VSNL1: variants seen among roughly 807,000 people sequenced by gnomAD.
The protein encoded by VSNL1 is visinin like 1, also known as visinin-like protein 1.
VSNL1 carries 6 observed loss-of-function variants against 20.4 expected under a neutral mutation model. That is an observed-to-expected ratio of 0.29 (90% confidence interval 0.16 to 0.58). The LOEUF (loss-of-function observed/expected upper bound fraction) is 0.58, where lower values mean the gene tolerates loss of function less well. Among genes scored for constraint, VSNL1 ranks in the 20% least tolerant of loss-of-function variants. VSNL1 has a pLI of 0.90. For synonymous variants in VSNL1, 93 were observed against 86.4 expected, an observed-to-expected ratio of 1.08 and a Z score of -0.42; for missense variants, 100 against 234.5, an observed-to-expected ratio of 0.43 and a Z score of 3.75.
At chr2:17,639,196 G>A (rs1271603530) in intron 2 of VSNL1, among the ~76,000 whole-genome samples, 3 of 152,116 alleles carry the variant, frequency 2.0e-5, no homozygotes, top group Non-Finnish European at 2.9e-5. Flanking sequence ...GCATTGCTTC[G>A]ATGGAAATAT....
chr2:17,608,879 G>A (rs1330035553), intron 2 of VSNL1, among the ~76,000 whole-genome samples: 1 of 152,132 alleles, frequency 6.6e-6, no homozygotes, highest in Non-Finnish European at 1.5e-5. Context: ...AGGGATGAAT[G>A]ACTCCCTTAA....
At chr2:17,551,371 T>G (rs1220708001) in intron 1 of VSNL1, among the ~76,000 whole-genome samples, 2 of 152,194 alleles carry the variant, frequency 1.3e-5, no homozygotes, top group African/African-American at 4.8e-5. Context: ...TAAATTAGAC[T>G]AAACTTTTTA....
At chr2:17,571,582 T>C (rs961973214) in intron 1 of VSNL1, among the ~76,000 whole-genome samples, 2 of 152,180 alleles carry the variant, frequency 1.3e-5, no homozygotes, top group African/African-American at 2.4e-5. Flanking sequence ...AAGATATTCA[T>C]AGAACAAATA....
intron 1 of VSNL1, among the ~76,000 whole-genome samples, chr2:17,549,780 A>T (rs1663485083): frequency 6.6e-6 from 1 of 152,196 alleles, no homozygotes. Context: ...TTTAGCTTTG[A>T]TTAATTGTAT....
rs796904686 is a variant in VSNL1, at chr2:17,622,253, C to T, written c.163-27157C>T. The stretch of plus-strand genomic sequence containing the variant: ...ATCAGGCTGGGCATGGTGCCTCACG[C>T]GTGTAATCCCAGCACTTTGGGAGCC... On this transcript the variant is annotated intron_variant, in intron 2 of 3. Transcript: ENST00000295156. Among the ~76,000 whole-genome samples the T allele has an allele frequency of 8.9e-4, 135 of 151,186 alleles. 1 individual carries two copies. Among genetic ancestry groups the T allele is most frequent in the Middle Eastern group, 3.4e-3 (1 of 290 alleles).
intron 1 of VSNL1, among the ~76,000 whole-genome samples, chr2:17,579,176 T>C (rs1664290869): frequency 6.6e-6 from 1 of 151,898 alleles, no homozygotes; most frequent in Non-Finnish European, 1.5e-5. Context: ...AGTGCAGTGG[T>C]GCAATCTTGG....
At chr2:17,571,941 C>T (rs1664093983) in intron 1 of VSNL1, among the ~76,000 whole-genome samples, 1 of 152,204 alleles carries the variant, frequency 6.6e-6, no homozygotes, top group Middle Eastern at 3.4e-3. Context: ...GAAAAGTTCA[C>T]ATAAAGGCTG....
At chr2:17,546,292 A>C (rs1428290385) in intron 1 of VSNL1, among the ~76,000 whole-genome samples, 1 of 152,034 alleles carries the variant, frequency 6.6e-6, no homozygotes, top group Non-Finnish European at 1.5e-5. Context: ...TACTTTTCTG[A>C]AAATAGAAAT....
intron 2 of VSNL1, among the ~76,000 whole-genome samples, chr2:17,642,278 A>ATGATTCTG (rs1351944796): frequency 1.4e-5 from 2 of 145,630 alleles, no homozygotes; most frequent in Non-Finnish European, 3.0e-5. Flanking sequence ...TAACATAGAG[A>ATGATTCTG]TGATTCTGGC....
chr2:17,593,306 A>G (rs1664636795), intron 2 of VSNL1, among the ~76,000 whole-genome samples: 1 of 152,230 alleles, frequency 6.6e-6, no homozygotes, highest in African/African-American at 2.4e-5. Flanking sequence ...AAAGTGGAAA[A>G]TAAACAGTGG....
chr2:17,609,832 A>T (rs1372956779), intron 2 of VSNL1, among the ~76,000 whole-genome samples: 1 of 152,152 alleles, frequency 6.6e-6, no homozygotes, highest in Non-Finnish European at 1.5e-5. Flanking sequence ...CATTTTGAAA[A>T]CAAGAGAAAC....
chr2:17,641,697 G>C (rs1307045933), intron 2 of VSNL1, among the ~76,000 whole-genome samples: 1 of 152,214 alleles, frequency 6.6e-6, no homozygotes, highest in Admixed American at 6.5e-5. Context: ...TAGAAATAGG[G>C]ATAGAGAGAC....
chr2:17,565,799 C>T (rs1276893670), intron 1 of VSNL1, among the ~76,000 whole-genome samples: 1 of 152,132 alleles, frequency 6.6e-6, no homozygotes. Context: ...AATTGTAGTT[C>T]CCATAATTCC....
At chr2:17,621,670 C>G (rs1665363185) in intron 2 of VSNL1, among the ~76,000 whole-genome samples, 1 of 152,126 alleles carries the variant, frequency 6.6e-6, no homozygotes, top group African/African-American at 2.4e-5. Flanking sequence ...TTTTGTCACC[C>G]AGGCTGGAGT....
chr2:17,584,370 G>A (rs1949512), intron 1 of VSNL1, among the ~76,000 whole-genome samples: 3,691 of 152,184 alleles, frequency 0.024, 161 homozygotes, highest in African/African-American at 0.085. Flanking sequence ...AATGTTCTTT[G>A]TGCCTTGGAA....
rs189283250 is a variant in VSNL1, at chr2:17,625,888, C to T, written c.163-23522C>T. 6.6e-4 allele frequency among the ~76,000 whole-genome samples: 99 copies of T among 149,374 alleles called. 1 individual carries two copies. The highest frequency in any genetic ancestry group is 4.5e-3 in the South Asian group (21 of 4,646). On this transcript the variant is annotated intron_variant, in intron 2 of 3. Transcript: ENST00000295156. ...TGAGATCTCAGCGCACTACAACCTC[C>T]GCCTTCCCGGTTCAAGTGATTCTCC...
chr2:17,649,746 C>G lies in VSNL1; in HGVS notation c.378+121C>G. 2 of 913,824 alleles carry G rather than the reference C, an allele frequency of 2.2e-6. No individual in the cohort carries two copies. The highest frequency in any genetic ancestry group is 1.6e-5 in the South Asian group (1 of 61,202). The allele number at this position is 913,824 out of a possible 1,614,324, so 56.6% of individuals were successfully genotyped here. A position where few individuals can be genotyped will look rare whatever the true frequency, so the allele number is the denominator to read the frequency against. On this transcript the variant is annotated intron_variant, in intron 3 of 3. Coordinates refer to ENST00000295156, the MANE Select transcript of VSNL1 (RefSeq NM_003385.5). The surrounding 1 kb of genome is among the most constrained non-coding windows in gnomAD (Gnocchi z 6.4). Reference sequence around the variant, plus strand: ...CTCGAGCCCTGCCAGCTGCACACCACGCCTGGACTTCTCCTGCTTCTGTCC... The same window carrying G: ...CTCGAGCCCTGCCAGCTGCACACCAGGCCTGGACTTCTCCTGCTTCTGTCC...
At chr2:17,581,515 T>G (rs1664348770) in intron 1 of VSNL1, among the ~76,000 whole-genome samples, 1 of 152,200 alleles carries the variant, frequency 6.6e-6, no homozygotes. Context: ...TTAAAAGAGG[T>G]TTTTAAAAAT....
chr2:17,589,864 A>C (rs904706187), intron 1 of VSNL1, among the ~76,000 whole-genome samples: 1 of 152,154 alleles, frequency 6.6e-6, no homozygotes, highest in African/African-American at 2.4e-5. Flanking sequence ...GTCTTTTCCA[A>C]ACAAGGCAGC....
Sources: gnomAD v4.1 joint callset for allele counts (sites outside exome capture counted in the v4.1 genomes callset) on GRCh38, gnomAD v4.1.1 for gene constraint, Gnocchi (gnomAD v3.1) non-coding constraint, MANE v1.5 for transcripts, NCBI Gene and HGNC (gene_info 2026-07-23, HGNC 2026-07-21) for gene names.